The following GSE1 variants were observed in gnomAD, a reference collection of about 807,000 sequenced individuals.
GSE1 encodes Gse1 coiled-coil protein, also known as genetic suppressor element 1.
In GSE1, 32 loss-of-function variants were observed where a neutral mutation model predicts 112.6. The observed-to-expected ratio is 0.28, with a 90% CI of 0.21 to 0.38. The LOEUF is 0.38. Ranked by LOEUF, GSE1 falls within the 10% of genes least tolerant of loss-of-function variation. GSE1 has a pLI of 1.00. For synonymous variants in GSE1, 1,115 were observed against 735.6 expected (o/e 1.52, Z -8.35); for missense variants, 2,348 against 1,699.2 (o/e 1.38, Z -6.71).
At chr16:85,268,159 G>T (rs139598898) in intron 1 of GSE1, among the ~76,000 whole-genome samples, 10 of 152,242 alleles carry the variant, frequency 6.6e-5, no homozygotes, top group African/African-American at 2.4e-4. Context: ...TGCTGCCTTG[G>T]GGGGATTGCT....
intron 1 of GSE1, among the ~76,000 whole-genome samples, chr16:85,623,380 C>G (rs932776481): frequency 3.3e-5 from 5 of 152,146 alleles, no homozygotes; most frequent in African/African-American, 1.2e-4. Flanking sequence ...TTCACTGACC[C>G]TCTTGTCCAA....
intron 2 of GSE1, among the ~76,000 whole-genome samples, chr16:85,647,184 C>T (rs2050943893): frequency 6.6e-6 from 1 of 152,218 alleles, no homozygotes; most frequent in Non-Finnish European, 1.5e-5. Flanking sequence ...CCGTCCATGC[C>T]CCCTGTCCTT....
At chr16:85,537,081 G>C (rs369607878) in intron 2 of GSE1, among the ~76,000 whole-genome samples, 2 of 152,228 alleles carry the variant, frequency 1.3e-5, no homozygotes, top group Admixed American at 1.3e-4. Context: ...CAGTGAAGCC[G>C]AGATGCAGAA....
At chr16:85,275,210 A>G (rs1282777723) in intron 1 of GSE1, among the ~76,000 whole-genome samples, 1 of 152,200 alleles carries the variant, frequency 6.6e-6, no homozygotes, top group Non-Finnish European at 1.5e-5. Context: ...CCCAAACCAC[A>G]GAGGCCTCCG....
chr16:85,440,005 C>T (rs529811086), intron 2 of GSE1, among the ~76,000 whole-genome samples: 1 of 152,248 alleles, frequency 6.6e-6, no homozygotes, highest in Admixed American at 6.5e-5. Flanking sequence ...CAAATATGCA[C>T]AGTACACAGA....
chr16:85,670,904 C>T, intron 14 of GSE1, 91 bp from the exon 15 acceptor site: 3 of 786,116 alleles, frequency 3.8e-6, no homozygotes, highest in South Asian at 1.5e-5. Flanking sequence ...AGGTTTTGGG[C>T]TCTGCTGGGC....
At chr16:85,561,125 G>C (rs949726100) in intron 1 of GSE1, among the ~76,000 whole-genome samples, 1 of 150,264 alleles carries the variant, frequency 6.7e-6, no homozygotes, top group Admixed American at 6.6e-5. Context: ...GTGAGACCTT[G>C]TCTCAAAAAA....
At chr16:85,288,831 C>T (rs2045119366) in intron 1 of GSE1, among the ~76,000 whole-genome samples, 1 of 152,182 alleles carries the variant, frequency 6.6e-6, no homozygotes, top group African/African-American at 2.4e-5. Context: ...CTGCAGGAGG[C>T]ACCCACCCTG....
At chr16:85,615,110 T>C (rs755353286) in intron 1 of GSE1, among the ~76,000 whole-genome samples, 4 of 152,078 alleles carry the variant, frequency 2.6e-5, no homozygotes, top group Non-Finnish European at 5.9e-5. Flanking sequence ...TGCTTAAGCT[T>C]GGGGCACTTC....
chr16:85,413,053 G>T (rs1237665705), intron 2 of GSE1, among the ~76,000 whole-genome samples: 2 of 152,222 alleles, frequency 1.3e-5, no homozygotes, highest in African/African-American at 4.8e-5. Context: ...TGCTGCTGCT[G>T]GAGGGGCCGC....
intron 2 of GSE1, among the ~76,000 whole-genome samples, chr16:85,505,551 G>C (rs1034658065): frequency 9.2e-5 from 14 of 152,334 alleles, no homozygotes; most frequent in African/African-American, 3.1e-4. Context: ...AGTGCCAGCT[G>C]TGCCACCTGT....
At chr16:85,234,005 A>G (rs1376910660) in intron 1 of GSE1, among the ~76,000 whole-genome samples, 3 of 152,134 alleles carry the variant, frequency 2.0e-5, no homozygotes, top group East Asian at 1.9e-4. Flanking sequence ...CCCAGCCCCT[A>G]TATAACAAAA....
At chr16:85,440,844 G>A (rs1460220725) in intron 2 of GSE1, among the ~76,000 whole-genome samples, 1 of 152,252 alleles carries the variant, frequency 6.6e-6, no homozygotes, top group African/African-American at 2.4e-5. Flanking sequence ...TCTGTGCCCT[G>A]GGAGGCCAAC....
At chr16:85,320,441 A>ATGCTT (rs1555561563) in intron 1 of GSE1, among the ~76,000 whole-genome samples, 1 of 149,040 alleles carries the variant, frequency 6.7e-6, no homozygotes, top group Non-Finnish European at 1.5e-5. Flanking sequence ...TACCCGGCTA[A>ATGCTT]TGTTTTGTTT....
rs542918351 is a variant in GSE1, at chr16:85,302,795, G to A, written c.2284-54668G>A. 8.5e-5 allele frequency among the ~76,000 whole-genome samples: 13 copies of A among 152,304 alleles called. No individual in the cohort carries two copies. In the East Asian group the frequency reaches 2.1e-3, roughly 25 times the overall value. On this transcript the variant is annotated intron_variant, in intron 1 of 2. Transcript: ENST00000637419. The stretch of plus-strand genomic sequence containing the variant: ...GTCAATTCTTGGCCTTGGCCTTGTC[G>A]AGGTGCGGTGTGCTGGGCAGGGTGG...
chr16:85,213,073 A>G (rs2075252612), intron 1 of GSE1, among the ~76,000 whole-genome samples: 1 of 152,120 alleles, frequency 6.6e-6, no homozygotes. Context: ...GATCGAGACC[A>G]TCCTGGCCAA....
At chr16:85,567,852 A>C (rs1056097074) in intron 1 of GSE1, among the ~76,000 whole-genome samples, 1 of 151,968 alleles carries the variant, frequency 6.6e-6, no homozygotes, top group African/African-American at 2.4e-5. Flanking sequence ...CCTCCCAAGT[A>C]GCTGGGATCA....
chr16:85,346,877 G>A (rs1463154215), intron 1 of GSE1, among the ~76,000 whole-genome samples: 1 of 152,080 alleles, frequency 6.6e-6, no homozygotes, highest in Non-Finnish European at 1.5e-5. Flanking sequence ...GTAGATGGAT[G>A]GTGGATGAGC....
At chr16:85,264,836 G>A (rs1908073069) in intron 1 of GSE1, among the ~76,000 whole-genome samples, 1 of 152,182 alleles carries the variant, frequency 6.6e-6, no homozygotes, top group Non-Finnish European at 1.5e-5. Flanking sequence ...GGGGTGAGGG[G>A]GTTGGGCTGA....
Sources: gnomAD v4.1 joint callset for allele counts (sites outside exome capture counted in the v4.1 genomes callset) on GRCh38, gnomAD v4.1.1 for gene constraint, MANE v1.5 for transcripts, NCBI Gene and HGNC (gene_info 2026-07-23, HGNC 2026-07-21) for gene names.